The following RFX8 variants were observed in gnomAD, a reference collection of about 807,000 sequenced individuals.
The protein encoded by RFX8 is regulatory factor X8, also known as DNA-binding protein RFX8.
A neutral mutation model predicts 54.6 loss-of-function variants in RFX8; 46 were observed. The observed-to-expected ratio is 0.84, with a 90% CI of 0.67 to 1.08. The LOEUF (loss-of-function observed/expected upper bound fraction) is 1.08, where lower values mean the gene tolerates loss of function less well. RFX8 is among the 50% of genes least tolerant of loss of function. The pLI is 0.00. For missense variants in RFX8, 536 were observed against 562.3 expected, an observed-to-expected ratio of 0.95 and a Z score of 0.47; for synonymous variants, 192 against 209.5, an observed-to-expected ratio of 0.92 and a Z score of 0.72.
chr2:101,457,529 T>C (rs1689042811), intron 2 of RFX8, among the ~76,000 whole-genome samples: 1 of 152,246 alleles, frequency 6.6e-6, no homozygotes. Flanking sequence ...TGAGTGAGTT[T>C]CTTATTCCTG....
At chr2:101,469,446 C>A (rs933419871) in intron 1 of RFX8, among the ~76,000 whole-genome samples, 2 of 152,036 alleles carry the variant, frequency 1.3e-5, no homozygotes, top group Admixed American at 1.3e-4. Context: ...AACCACTGCA[C>A]CTGGCTTATA....
chr2:101,426,902 T>C (rs1687204346), intron 2 of RFX8, among the ~76,000 whole-genome samples: 1 of 152,196 alleles, frequency 6.6e-6, no homozygotes, highest in African/African-American at 2.4e-5. Flanking sequence ...CCTGTCACTC[T>C]CCTTCTGAAG....
Position 101,402,574 on chromosome 2 carries a change from C to A in RFX8, c.1107G>T (p.Ser369=), listed in dbSNP as rs750337240. Residue 369 remains serine, a synonymous_variant, in exon 11 of 12, where the codon TCG becomes TCT. Coordinates refer to ENST00000428343, the MANE Select transcript of RFX8 (RefSeq NM_001145664.2). ...CCATGCTGGGGCTGGCACACGCCTG[C>A]GACAGTGAGGAATTCAGAGAATGGA... The part of the protein sequence containing the change: ...ALFHSLNSSL[S]QACASPSMEP... The A allele has an allele frequency of 8.4e-6, 13 of 1,551,752 alleles. No homozygotes were observed. Among genetic ancestry groups the A allele is most frequent in the African/African-American group, 1.4e-5 (1 of 73,046 alleles).
In RFX8 at chr2:101,397,539, T is replaced by C. The variant is rs771375068; in HGVS notation, c.*9A>G. 5 of 1,507,910 alleles carry C rather than the reference T, an allele frequency of 3.3e-6. No individual in the cohort carries two copies. The highest frequency in any genetic ancestry group is 3.6e-6 in the Non-Finnish European group (4 of 1,121,384). 93.4% of individuals were successfully genotyped at this position (1,507,910 alleles called of 1,614,324 possible). ...TCAGTTTTCTTATTCTCTATTCAAA[T>C]AAATAATCTCACACATTAGCATTGT... is the stretch of plus-strand genomic sequence containing the variant. On this transcript the variant is annotated 3_prime_UTR_variant, in exon 12 of 12. Coordinates refer to ENST00000428343, the MANE Select transcript of RFX8 (RefSeq NM_001145664.2).
rs1685202345 is a variant in RFX8, at chr2:101,397,639, AGGGTTAT to A, written c.1324_1330del (p.Ile442Ter). 1 of 1,551,410 alleles carries A rather than the reference AGGGTTAT, an allele frequency of 6.4e-7. No homozygotes were observed. The highest frequency in any genetic ancestry group is 1.4e-5 in the African/African-American group (1 of 73,150). ...AATCACAAATTGTTGTCCATCTTTT[AGGGTTAT>A]GAGGGCTTCTTGTCCCATAGGAAGG... On this transcript the variant is annotated frameshift_variant, in exon 12 of 12. Coordinates refer to ENST00000428343, the MANE Select transcript of RFX8 (RefSeq NM_001145664.2). LOFTEE classifies it high-confidence loss of function.
chr2:101,434,694 T>C (rs1687673316), intron 2 of RFX8: 1 of 152,016 alleles, frequency 6.6e-6, no homozygotes. Flanking sequence ...TCCAGGCTGT[T>C]ATTCTCCACA....
intron 2 of RFX8, among the ~76,000 whole-genome samples, chr2:101,447,216 C>G (rs903955916): frequency 6.6e-6 from 1 of 152,034 alleles, no homozygotes; most frequent in African/African-American, 2.4e-5. Context: ...CAAATCTGAA[C>G]AACGGCAGCA....
At position 101,422,410 on chromosome 2, in the gene RFX8, TCTC is replaced by T. The variant is rs760684680; in HGVS notation, c.132_134del (p.Arg45del). Reference sequence around the variant, plus strand: ...CCTGTTCTTGCTCCAGAAATGGACATCTCCTGAATTCAGACAAAGGGGATCCAA... The same window carrying T: ...CCTGTTCTTGCTCCAGAAATGGACATCTGAATTCAGACAAAGGGGATCCAA... On this transcript the variant is annotated inframe_deletion, in exon 3 of 12. Transcript: ENST00000428343. 6.5e-7 allele frequency: 1 copy of T among 1,549,960 alleles called. No homozygotes were observed. The highest frequency in any genetic ancestry group is 8.7e-7 in the Non-Finnish European group (1 of 1,145,366).
Position 101,402,431 on chromosome 2 carries a change from C to T in RFX8, c.1245+5G>A, listed in dbSNP as rs1014339867. On this transcript the variant is annotated splice_donor_5th_base_variant and intron_variant, in intron 11 of 11. Coordinates refer to ENST00000428343, the MANE Select transcript of RFX8 (RefSeq NM_001145664.2). Reference sequence around the variant, plus strand: ...CTGTGTGGAAGGGGGTCCTGGTGTCCCTACCTTATTGCCCATGGCAGTGTC... The same window carrying T: ...CTGTGTGGAAGGGGGTCCTGGTGTCTCTACCTTATTGCCCATGGCAGTGTC... The T allele has an allele frequency of 6.5e-7, 1 of 1,541,666 alleles. No homozygotes were observed. Among genetic ancestry groups the T allele is most frequent in the Non-Finnish European group, 8.8e-7 (1 of 1,139,466 alleles).
chr2:101,417,033 TA>T (rs1395774072), intron 6 of RFX8, among the ~76,000 whole-genome samples: 1 of 152,004 alleles, frequency 6.6e-6, no homozygotes, highest in African/African-American at 2.4e-5. Flanking sequence ...AGAAATAGCT[TA>T]AAAGGGTGTG....
At chr2:101,424,092 T>C (rs1381073109) in intron 2 of RFX8, among the ~76,000 whole-genome samples, 1 of 152,178 alleles carries the variant, frequency 6.6e-6, no homozygotes, top group Non-Finnish European at 1.5e-5. Flanking sequence ...TGTAGGGGTA[T>C]AGATGTCTAA....
At chr2:101,469,429 AG>A (rs995592399) in intron 1 of RFX8, among the ~76,000 whole-genome samples, 10 of 152,208 alleles carry the variant, frequency 6.6e-5, no homozygotes, top group Admixed American at 2.6e-4. Context: ...CTGGGATTAC[AG>A]GCACAAACCA....
At chr2:101,452,671 C>A (rs1389568363) in intron 2 of RFX8, among the ~76,000 whole-genome samples, 1 of 152,120 alleles carries the variant, frequency 6.6e-6, no homozygotes, top group Non-Finnish European at 1.5e-5. Flanking sequence ...AGAAAACATA[C>A]CACTTGGAGG....
chr2:101,450,738 A>T (rs1688629584), intron 2 of RFX8: 1 of 902,938 alleles, frequency 1.1e-6, no homozygotes, highest in Admixed American at 2.1e-5. Context: ...GCTTTATGGA[A>T]GGCAGAGAAT....
chr2:101,406,435 G>T (rs557342113), intron 9 of RFX8, among the ~76,000 whole-genome samples: 16 of 139,584 alleles, frequency 1.1e-4, no homozygotes, highest in African/African-American at 4.0e-4. Context: ...GGGCTTAAGC[G>T]ATCTTCCCAT....
intron 2 of RFX8, among the ~76,000 whole-genome samples, chr2:101,446,508 G>C (rs1228334004): frequency 9.0e-5 from 1 of 11,088 alleles, no homozygotes; most frequent in African/African-American, 1.9e-4. Flanking sequence ...GCTGAGCATA[G>C]AGTACATGAA....
chr2:101,456,540 C>A (rs1242494060), intron 2 of RFX8, among the ~76,000 whole-genome samples: 1 of 152,126 alleles, frequency 6.6e-6, no homozygotes, highest in South Asian at 2.1e-4. Context: ...GTTGAACCAG[C>A]CTTGCAGCCC....
In RFX8 at chr2:101,450,671, A is replaced by T. The variant is rs1049484585; in HGVS notation, c.72+16106T>A. 2.7e-6 allele frequency: 4 copies of T among 1,479,378 alleles called. No homozygotes were observed. The African/African-American group carries it at 5.5e-5, about 21-fold the overall frequency. The allele number at this position is 1,479,378 out of a possible 1,614,324, so 91.6% of individuals were successfully genotyped here. ...AGCTTTTCTTGATACAGATTCCATC[A>T]TAATGATACCTGGAAAAATAAAGGT... On this transcript the variant is annotated intron_variant, in intron 2 of 11. Coordinates refer to ENST00000428343, the MANE Select transcript of RFX8 (RefSeq NM_001145664.2).
chr2:101,455,097 G>A (rs534041208), intron 2 of RFX8, among the ~76,000 whole-genome samples: 17 of 149,490 alleles, frequency 1.1e-4, no homozygotes, highest in African/African-American at 2.2e-4. Context: ...TGCTACCTCC[G>A]CCTCCCAGGT....
Sources: gnomAD v4.1 joint callset for allele counts (sites outside exome capture counted in the v4.1 genomes callset) on GRCh38, gnomAD v4.1.1 for gene constraint, MANE v1.5 for transcripts, NCBI Gene and HGNC (gene_info 2026-07-23, HGNC 2026-07-21) for gene names.